Variants in GRK4 observed in about 807,000 individuals in gnomAD.
The protein encoded by GRK4 is G protein-coupled receptor kinase 4.
In GRK4, 73 loss-of-function variants were observed where a neutral mutation model predicts 77.9. The ratio of observed to expected loss-of-function variants is 0.94; its 90% confidence interval spans 0.78 to 1.14. GRK4 has a LOEUF of 1.14. GRK4 is among the 50% of genes most tolerant of loss of function. GRK4 has a pLI of 0.00. For missense variants in GRK4, 729 were observed against 700.2 expected (o/e 1.04, Z -0.46); for synonymous variants, 257 against 254.4 (o/e 1.01, Z -0.10).
At chr4:2,967,915 C>T (rs1166288496) in intron 1 of GRK4, among the ~76,000 whole-genome samples, 2 of 151,956 alleles carry the variant, frequency 1.3e-5, no homozygotes, top group African/African-American at 4.8e-5. Context: ...CTCAGTCTCC[C>T]GAGTAGCTGG....
rs531919230 is a variant in GRK4 at position 2,963,842 on chromosome 4, C to A, written c.-229C>A. 8 of 569,774 alleles carry A rather than the reference C, an allele frequency of 1.4e-5. No homozygotes were observed. Among genetic ancestry groups the A allele is most frequent in the Middle Eastern group, 4.6e-4 (1 of 2,184 alleles). 35.3% of individuals were successfully genotyped at this position (569,774 alleles called of 1,614,324 possible). On this transcript the variant is annotated 5_prime_UTR_variant, in exon 1 of 16. Coordinates refer to ENST00000398052, the MANE Select transcript of GRK4 (RefSeq NM_182982.3). ...GGACCCGCCGCGGTCGGGCTGCCCCCTCCCCTCGCCCCGACCGCTCCCCTG... is the reference window on the plus strand; with the variant it reads ...GGACCCGCCGCGGTCGGGCTGCCCCATCCCCTCGCCCCGACCGCTCCCCTG...
At chr4:3,033,796 A>G (rs1459876853) in intron 12 of GRK4, among the ~76,000 whole-genome samples, 2 of 152,214 alleles carry the variant, frequency 1.3e-5, no homozygotes, top group Non-Finnish European at 2.9e-5. Flanking sequence ...CATGTTGGCC[A>G]GGATGGTCTT....
chr4:3,001,093 G>A (rs995743611), intron 4 of GRK4, among the ~76,000 whole-genome samples: 27 of 80,566 alleles, frequency 3.4e-4, no homozygotes, highest in Middle Eastern at 6.4e-3. Context: ...ATATATATGT[G>A]TGTGTGTGTG....
At chr4:3,039,355 G>T (rs1477095013) in intron 15 of GRK4, among the ~76,000 whole-genome samples, 1 of 152,056 alleles carries the variant, frequency 6.6e-6, no homozygotes, top group Non-Finnish European at 1.5e-5. Context: ...TGTTCCCAGG[G>T]GGTTGATTCA....
intron 1 of GRK4, among the ~76,000 whole-genome samples, chr4:2,980,653 A>G (rs965223531): frequency 6.6e-6 from 1 of 152,046 alleles, no homozygotes; most frequent in Non-Finnish European, 1.5e-5. Flanking sequence ...TGGGTAATGC[A>G]TCCAGCCTAC....
At chr4:3,024,286 A>G (rs1736830206) in intron 10 of GRK4, among the ~76,000 whole-genome samples, 2 of 151,994 alleles carry the variant, frequency 1.3e-5, no homozygotes, top group Admixed American at 1.3e-4. Flanking sequence ...GGGTCTCTCT[A>G]TGCTACCCAG....
Position 3,004,325 on chromosome 4 carries a change from A to G in GRK4, c.434A>G (p.Glu145Gly). 1 of 1,597,878 alleles carries G rather than the reference A, an allele frequency of 6.3e-7. No homozygotes were observed. The highest frequency in any genetic ancestry group is 8.6e-7 in the Non-Finnish European group (1 of 1,165,284). Residue 145 changes from glutamate to glycine, a missense_variant, in exon 5 of 16, where the codon GAA (glutamate) becomes GGA (glycine). Coordinates refer to ENST00000398052, the MANE Select transcript of GRK4 (RefSeq NM_182982.3). The stretch of plus-strand genomic sequence containing the variant: ...AACCCTTCCAAAAAAGCCTTTGAGG[A>G]ATGTACTAGGTAAGTGGTTCATGCT... Reference protein sequence around the residue: ...EENPSKKAFEECTRVAHNYLR... With the variant: ...EENPSKKAFEGCTRVAHNYLR...
intron 1 of GRK4, among the ~76,000 whole-genome samples, chr4:2,977,409 A>ACTG (rs1335178198): frequency 6.6e-6 from 1 of 152,192 alleles, no homozygotes; most frequent in Non-Finnish European, 1.5e-5. Context: ...TGCTACGCCT[A>ACTG]CTGCTAGACC....
At chr4:2,994,686 G>A (rs1727268018) in intron 4 of GRK4, among the ~76,000 whole-genome samples, 1 of 152,206 alleles carries the variant, frequency 6.6e-6, no homozygotes, top group Non-Finnish European at 1.5e-5. Flanking sequence ...TGGAAGAGGA[G>A]GGAAGGGGAG....
At chr4:2,978,211 C>T (rs1272353955) in intron 1 of GRK4, among the ~76,000 whole-genome samples, 1 of 152,164 alleles carries the variant, frequency 6.6e-6, no homozygotes, top group Admixed American at 6.5e-5. Flanking sequence ...TTTAAAATTA[C>T]TTTATGTAGA....
At chr4:3,000,886 T>C (rs899745387) in intron 4 of GRK4, among the ~76,000 whole-genome samples, 1 of 151,828 alleles carries the variant, frequency 6.6e-6, no homozygotes, top group African/African-American at 2.4e-5. Flanking sequence ...TTTTCTTAAA[T>C]AGGAAAATGA....
At chr4:2,996,203 C>T (rs1727832145) in intron 4 of GRK4, among the ~76,000 whole-genome samples, 1 of 152,146 alleles carries the variant, frequency 6.6e-6, no homozygotes, top group Non-Finnish European at 1.5e-5. Context: ...AGGGGGCAAA[C>T]CTACTCCAGG....
intron 12 of GRK4, among the ~76,000 whole-genome samples, chr4:3,033,380 G>A (rs1335504806): frequency 6.6e-6 from 1 of 152,098 alleles, no homozygotes; most frequent in Non-Finnish European, 1.5e-5. Flanking sequence ...ACCTCCAGAA[G>A]GTCCCACCTC....
Position 2,978,724 on chromosome 4 carries a change from C to T in GRK4, c.53-5789C>T, listed in dbSNP as rs183064939. ...GTTTGAGAGGCTGAGGCAGGAGGGT[C>T]GATTGGGCCCAGGGGTCTGAGACTA... On this transcript the variant is annotated intron_variant, in intron 1 of 15. Transcript: ENST00000398052. Among the ~76,000 whole-genome samples, 1,087 of 151,454 alleles carry T rather than the reference C, an allele frequency of 7.2e-3. 9 individuals are homozygous for T. The highest frequency in any genetic ancestry group is 0.01 in the Non-Finnish European group (680 of 67,782).
At chr4:2,988,495 C>T (rs1003819515) in intron 2 of GRK4, among the ~76,000 whole-genome samples, 5 of 152,056 alleles carry the variant, frequency 3.3e-5, no homozygotes, top group African/African-American at 9.7e-5. Context: ...CGCCTGAACC[C>T]GGGAGGCAGA....
At chr4:3,022,849 G>T (rs1009613661) in intron 10 of GRK4, among the ~76,000 whole-genome samples, 1 of 151,974 alleles carries the variant, frequency 6.6e-6, no homozygotes, top group African/African-American at 2.4e-5. Context: ...ACCATGCTTG[G>T]CTAATTTTTA....
chr4:2,970,737 T>A (rs1345672146), intron 1 of GRK4, among the ~76,000 whole-genome samples: 3 of 151,610 alleles, frequency 2.0e-5, no homozygotes, highest in Non-Finnish European at 4.4e-5. Context: ...TGGCGTGATC[T>A]CAGCTCACTG....
At position 2,983,728 on chromosome 4, in the gene GRK4, G is replaced by A. The variant is rs147115048; in HGVS notation, c.53-785G>A. Among the ~76,000 whole-genome samples the A allele has an allele frequency of 1.0e-3, 153 of 152,176 alleles. 1 individual carries two copies. Among genetic ancestry groups the A allele is most frequent in the Admixed American group, 3.5e-3 (53 of 15,274 alleles). ...ATCTGATTTGTGCACCTGTCTCCCTGTATTAGTCCATTTTCACACTGCTGT... is the reference window on the plus strand; with the variant it reads ...ATCTGATTTGTGCACCTGTCTCCCTATATTAGTCCATTTTCACACTGCTGT... On this transcript the variant is annotated intron_variant, in intron 1 of 15. Transcript: ENST00000398052.
intron 1 of GRK4, among the ~76,000 whole-genome samples, chr4:2,972,565 C>T (rs1719895909): frequency 6.6e-6 from 1 of 151,920 alleles, no homozygotes; most frequent in Non-Finnish European, 1.5e-5. Context: ...TCTCTTTAAC[C>T]TGTGACACTC....
Sources: gnomAD v4.1 joint callset for allele counts (sites outside exome capture counted in the v4.1 genomes callset) on GRCh38, gnomAD v4.1.1 for gene constraint, MANE v1.5 for transcripts, NCBI Gene and HGNC (gene_info 2026-07-23, HGNC 2026-07-21) for gene names.